The following CES2 variants were observed in gnomAD, a reference collection of about 807,000 sequenced individuals.
The protein encoded by CES2 is carboxylesterase 2, also known as cocaine esterase.
In CES2, 42 loss-of-function variants were observed where a neutral mutation model predicts 52.1. That is an observed-to-expected ratio of 0.81 (90% CI 0.63 to 1.04). CES2 has a LOEUF of 1.04. Ranked by LOEUF, CES2 falls within the 50% of genes least tolerant of loss-of-function variation. CES2 has a pLI of 0.00. For synonymous variants in CES2, 277 were observed against 289.6 expected, an observed-to-expected ratio of 0.96 and a Z score of 0.44; for missense variants, 656 against 724.3, an observed-to-expected ratio of 0.91 and a Z score of 1.08.
Position 66,937,927 on chromosome 16 carries a change from T to C in CES2, c.77-110T>C, listed in dbSNP as rs150565512. 7.2e-5 allele frequency: 62 copies of C among 858,186 alleles called. No homozygotes were observed. In the African/African-American group the frequency reaches 9.1e-4, roughly 13 times the overall value. The allele number at this position is 858,186 out of a possible 1,614,324, so 53.2% of individuals were successfully genotyped here. ...AGTTTGTAAAGCCCATGTTTACAGA[T>C]CAGAGTCCCTTGAGCTAAGATGAGG... On this transcript the variant is annotated intron_variant, in intron 1 of 11. Coordinates refer to ENST00000317091, the MANE Select transcript of CES2 (RefSeq NM_001365405.1).
chr16:66,942,842 G>C, intron 10 of CES2, 57 bp downstream of exon 10: 1 of 1,611,268 alleles, frequency 6.2e-7, no homozygotes. Flanking sequence ...GTCTCTGAGC[G>C]ATGATTGATT....
intron 3 of CES2, among the ~76,000 whole-genome samples, chr16:66,939,826 C>T (rs1352179780): frequency 2.6e-5 from 4 of 152,234 alleles, no homozygotes; most frequent in African/African-American, 7.2e-5. Flanking sequence ...ATTAGCCTCC[C>T]GAGTAGCTGG....
Position 66,943,787 on chromosome 16 carries a change from C to G in CES2, c.1494-52C>G. On this transcript the variant is annotated intron_variant, in intron 11 of 11. Transcript: ENST00000317091. The surrounding 1 kb of genome is among the most constrained non-coding windows in gnomAD (Gnocchi z 4.2). ...ACTCAGGGTGCTCAGGTCTGGGCTTCGGGGGCCCAGAGTGACCCTCATACT... is the reference window on the plus strand; with the variant it reads ...ACTCAGGGTGCTCAGGTCTGGGCTTGGGGGGCCCAGAGTGACCCTCATACT... 1 of 1,469,192 alleles carries G rather than the reference C, an allele frequency of 6.8e-7. No homozygotes were observed. The highest frequency in any genetic ancestry group is 2.4e-5 in the East Asian group (1 of 42,444). 91.0% of individuals were successfully genotyped at this position (1,469,192 alleles called of 1,614,324 possible). A position where few individuals can be genotyped will look rare whatever the true frequency, so the allele number is the denominator to read the frequency against.
Position 66,943,161 on chromosome 16 carries a change from C to T in CES2, c.1421-138C>T, listed in dbSNP as rs1454270681. ...AGGGAAAGTTTGGAAAAGGGGAGGG[C>T]TGGCTTCTGAGGGCAGTGGAAGAAA... On this transcript the variant is annotated intron_variant, in intron 10 of 11. Coordinates refer to ENST00000317091, the MANE Select transcript of CES2 (RefSeq NM_001365405.1). This position sits in a 1 kb window ranked among gnomAD's most constrained non-coding sequence, Gnocchi z 4.2. 2.3e-6 allele frequency: 2 copies of T among 875,998 alleles called. No homozygotes were observed. Among genetic ancestry groups the T allele is most frequent in the Non-Finnish European group, 3.5e-6 (2 of 565,524 alleles). 54.3% of individuals were successfully genotyped at this position (875,998 alleles called of 1,614,324 possible). A position where few individuals can be genotyped will look rare whatever the true frequency, so the allele number is the denominator to read the frequency against.
rs764372453 is a variant in CES2 at position 66,942,704 on chromosome 16, A to G, written c.1339A>G (p.Asn447Asp). ...EFQHQPSWLK[N>D]IRPPHMKADH... ...CCAGCATCAGCCCAGCTGGCTCAAG[A>G]ACATCAGGCCACCGCACATGAAGGC... The change falls in exon 10 of 12, where the codon AAC becomes GAC. Residue 447 changes from asparagine (N) to aspartate (D), a missense_variant. Transcript: ENST00000317091. 19 of 1,614,064 alleles carry G rather than the reference A, an allele frequency of 1.2e-5. No individual in the cohort carries two copies. Among genetic ancestry groups the G allele is most frequent in the South Asian group, 3.3e-5 (3 of 91,080 alleles).
At position 66,943,190 on chromosome 16, in the gene CES2, C is replaced by T. The variant is rs551091574; in HGVS notation, c.1421-109C>T. 8.1e-6 allele frequency: 9 copies of T among 1,107,960 alleles called. No individual in the cohort carries two copies. The highest frequency in any genetic ancestry group is 2.9e-5 in the South Asian group (2 of 68,224). 68.6% of individuals were successfully genotyped at this position (1,107,960 alleles called of 1,614,324 possible). A position where few individuals can be genotyped will look rare whatever the true frequency, so the allele number is the denominator to read the frequency against. On this transcript the variant is annotated intron_variant, in intron 10 of 11. Coordinates refer to ENST00000317091, the MANE Select transcript of CES2 (RefSeq NM_001365405.1). The surrounding 1 kb of genome is among the most constrained non-coding windows in gnomAD (Gnocchi z 4.2). ...CTTCTGAGGGCAGTGGAAGAAAAAG[C>T]GGAGAAGCAGGACTGGGGACCGAGG...
At chr16:66,940,763 G>A (rs1330226161) in intron 5 of CES2, 68 bp downstream of exon 5, 2 of 1,550,768 alleles carry the variant, frequency 1.3e-6, no homozygotes, top group East Asian at 4.5e-5. Context: ...GCCTCTGTCT[G>A]TTAAACGGGG....
chr16:66,941,944 A>AC (rs1469468175), intron 8 of CES2, 96 bp downstream of exon 8: 1 of 1,572,218 alleles, frequency 6.4e-7, no homozygotes, highest in Non-Finnish European at 8.7e-7. Context: ...CTATGTAGTG[A>AC]CCCCCATGAG....
chr16:66,937,652 A>G (rs1407218020), intron 1 of CES2, among the ~76,000 whole-genome samples: 1 of 152,130 alleles, frequency 6.6e-6, no homozygotes, highest in African/African-American at 2.4e-5. Context: ...CTTTCTTTAC[A>G]TGATTTCTTG....
rs1355559010 is a variant in CES2 at position 66,942,716 on chromosome 16, C to T, written c.1351C>T (p.Pro451Ser). Residue 451 changes from proline to serine, a missense_variant, in exon 10 of 12, where the codon CCG becomes TCG. Pro to Ser is a moderately conservative substitution (Grantham distance 74, BLOSUM62 -1). Coordinates refer to ENST00000317091, the MANE Select transcript of CES2 (RefSeq NM_001365405.1). Reference sequence around the variant, plus strand: ...CAGCTGGCTCAAGAACATCAGGCCACCGCACATGAAGGCAGACCATGGTGA... The same window carrying T: ...CAGCTGGCTCAAGAACATCAGGCCATCGCACATGAAGGCAGACCATGGTGA... ...QPSWLKNIRP[P>S]HMKADHGDEL... 5.6e-6 allele frequency: 9 copies of T among 1,614,134 alleles called. No homozygotes were observed. Among genetic ancestry groups the T allele is most frequent in the African/African-American group, 1.3e-5 (1 of 74,938 alleles).
rs77295255 is a variant in CES2, at chr16:66,942,841, C to T, written c.1420+56C>T. 2,761 of 1,611,164 alleles carry T rather than the reference C, an allele frequency of 1.7e-3. 48 individuals carry two copies. In the African/African-American group the frequency reaches 0.032, roughly 19 times the overall value. On this transcript the variant is annotated intron_variant, in intron 10 of 11. Coordinates refer to ENST00000317091, the MANE Select transcript of CES2 (RefSeq NM_001365405.1). ...CTGGGATTCTGGCTGGGTCTCTGAG[C>T]GATGATTGATTGTCCTCACTGCCCA...
intron 3 of CES2, among the ~76,000 whole-genome samples, chr16:66,939,954 C>T (rs1963314944): frequency 6.6e-6 from 1 of 152,204 alleles, no homozygotes; most frequent in South Asian, 2.1e-4. Context: ...GTGGAGCCAT[C>T]AGGGAGACAC....
rs1239085640 is a variant in CES2 at position 66,944,320 on chromosome 16, A to G, written c.*295A>G. On this transcript the variant is annotated 3_prime_UTR_variant, in exon 12 of 12. Coordinates refer to ENST00000317091, the MANE Select transcript of CES2 (RefSeq NM_001365405.1). Reference sequence around the variant, plus strand: ...AGACCCCTTCTCAAAAAAAAAAAAAAAAAAGAGAGAGTGTGTGATTAGAAG... The same window carrying G: ...AGACCCCTTCTCAAAAAAAAAAAAAGAAAAGAGAGAGTGTGTGATTAGAAG... 1.5e-3 allele frequency: 339 copies of G among 220,196 alleles called. 6 individuals carry two copies. Among genetic ancestry groups the G allele is most frequent in the Middle Eastern group, 2.7e-3 (2 of 750 alleles). The allele number at this position is 220,196 out of a possible 1,614,324, so 13.6% of individuals were successfully genotyped here.
At position 66,941,659 on chromosome 16, in the gene CES2, C is replaced by T; in HGVS notation, c.1056+13C>T. On this transcript the variant is annotated intron_variant, in intron 7 of 11. Transcript: ENST00000317091. ...GCTCATCCCCAAGGTGAGCCCCAACCCAAGCCCACAAGTGCCTGGGGAGCC... is the reference window on the plus strand; with the variant it reads ...GCTCATCCCCAAGGTGAGCCCCAACTCAAGCCCACAAGTGCCTGGGGAGCC... 6.2e-7 allele frequency: 1 copy of T among 1,613,596 alleles called. No homozygotes were observed. The highest frequency in any genetic ancestry group is 8.5e-7 in the Non-Finnish European group (1 of 1,179,684).
chr16:66,934,530 G>C (rs562779679), upstream of CES2: 147 of 1,061,232 alleles, frequency 1.4e-4, no homozygotes, highest in African/African-American at 2.1e-3. This position sits in a 1 kb window ranked among gnomAD's most constrained non-coding sequence, Gnocchi z 4.1. Flanking sequence ...CCGCGGCCCT[G>C]GCTGCTCGGA....
chr16:66,940,132 C>G (rs1264293530), intron 3 of CES2, 90 bp from the exon 4 acceptor site: 17 of 1,543,456 alleles, frequency 1.1e-5, no homozygotes, highest in African/African-American at 1.4e-5. Flanking sequence ...GGGAGGTAGA[C>G]AGAGGCAAAG....
chr16:66,934,618 C>T, upstream of CES2: 2 of 547,218 alleles, frequency 3.7e-6, no homozygotes, highest in South Asian at 2.5e-5. The surrounding 1 kb of genome is among the most constrained non-coding windows in gnomAD (Gnocchi z 4.1). Context: ...GAGCCAGTAG[C>T]GGGCTGAAAC....
chr16:66,943,526 G>T lies in CES2; in HGVS notation c.1493+155G>T. The T allele has an allele frequency of 1.3e-6, 1 of 753,080 alleles. No individual in the cohort carries two copies. Among genetic ancestry groups the T allele is most frequent in the Non-Finnish European group, 2.2e-6 (1 of 455,350 alleles). 46.6% of individuals were successfully genotyped at this position (753,080 alleles called of 1,614,324 possible). On this transcript the variant is annotated intron_variant, in intron 11 of 11. Transcript: ENST00000317091. This position sits in a 1 kb window ranked among gnomAD's most constrained non-coding sequence, Gnocchi z 4.2. ...CCGGGACCCACTCAGACAGGGTGGG[G>T]GTGCGTGGGGCAGTGGACACGCTCT... is the stretch of plus-strand genomic sequence containing the variant.
chr16:66,941,556 C>G lies in CES2; in HGVS notation c.966C>G (p.His322Gln), dbSNP rs771267538. 6 of 1,614,094 alleles carry G rather than the reference C, an allele frequency of 3.7e-6. No homozygotes were observed. In the South Asian group the frequency reaches 6.6e-5, roughly 18 times the overall value. ...TGGATGGGGTCTTCCTGCCCAGGCA[C>G]CCCCAGGAGCTGCTGGCCTCTGCCG... is the stretch of plus-strand genomic sequence containing the variant. Reference protein sequence around the residue: ...GVVDGVFLPRHPQELLASADF... With the variant: ...GVVDGVFLPRQPQELLASADF... The change falls in exon 7 of 12, where the codon CAC (histidine) becomes CAG (glutamine). Residue 322 changes from histidine to glutamine, a missense_variant. Transcript: ENST00000317091.
Sources: allele counts gnomAD v4.1 joint callset (sites outside exome capture counted in the v4.1 genomes callset), GRCh38; gene constraint gnomAD v4.1.1; non-coding constraint Gnocchi (gnomAD v3.1); transcripts MANE v1.5; gene names NCBI Gene and HGNC (gene_info 2026-07-23, HGNC 2026-07-21).